BCAS1: variants seen among roughly 807,000 people sequenced by gnomAD.
The protein encoded by BCAS1 is breast carcinoma-amplified sequence 1.
In BCAS1, 46 loss-of-function variants were observed where a neutral mutation model predicts 65.4. The observed-to-expected ratio is 0.70, with a 90% CI of 0.55 to 0.90. The LOEUF is 0.90. Ranked by LOEUF, BCAS1 falls within the 40% of genes least tolerant of loss-of-function variation. BCAS1 has a pLI of 0.00. For missense variants in BCAS1, 793 were observed against 771.2 expected, an observed-to-expected ratio of 1.03 and a Z score of -0.33; for synonymous variants, 298 against 293.5, an observed-to-expected ratio of 1.02 and a Z score of -0.16.
At chr20:54,039,180 G>A (rs562696902) in intron 3 of BCAS1, among the ~76,000 whole-genome samples, 11 of 151,562 alleles carry the variant, frequency 7.3e-5, no homozygotes, top group Admixed American at 4.0e-4. Context: ...TTTAAAGGTC[G>A]TAAAGTCAGG....
chr20:54,041,700 G>A (rs941807373), intron 3 of BCAS1, among the ~76,000 whole-genome samples: 27 of 151,992 alleles, frequency 1.8e-4, no homozygotes, highest in African/African-American at 6.3e-4. Context: ...TGGCCAACAT[G>A]GTGAAACACT....
At chr20:54,059,491 C>T (rs1601032998) in intron 1 of BCAS1, among the ~76,000 whole-genome samples, 1 of 148,810 alleles carries the variant, frequency 6.7e-6, no homozygotes, top group Admixed American at 6.7e-5. Flanking sequence ...ACACTACGGC[C>T]TTTTTTTTTT....
chr20:53,948,817 G>A (rs1304690096), intron 12 of BCAS1, among the ~76,000 whole-genome samples: 8 of 152,110 alleles, frequency 5.3e-5, no homozygotes, highest in Admixed American at 5.2e-4. Flanking sequence ...ATGCGGTAAC[G>A]GCCTGGCCAC....
intron 1 of BCAS1, among the ~76,000 whole-genome samples, chr20:54,069,460 C>G (rs1439216508): frequency 1.3e-5 from 2 of 152,152 alleles, no homozygotes; most frequent in African/African-American, 2.4e-5. Context: ...TTTTTGGCAT[C>G]CCTTACATTT....
At chr20:53,948,781 G>C (rs2089416775) in intron 12 of BCAS1, among the ~76,000 whole-genome samples, 2 of 152,178 alleles carry the variant, frequency 1.3e-5, no homozygotes, top group Admixed American at 1.3e-4. Context: ...AGAAACTGAG[G>C]CTCCAAGATG....
chr20:53,991,413 T>A (rs1371772042), intron 7 of BCAS1, among the ~76,000 whole-genome samples: 1 of 152,254 alleles, frequency 6.6e-6, no homozygotes, highest in African/African-American at 2.4e-5. Context: ...GAACTTTCTA[T>A]GGAGTGCTTA....
chr20:54,038,767 C>T (rs2091941347), intron 3 of BCAS1, among the ~76,000 whole-genome samples: 1 of 151,374 alleles, frequency 6.6e-6, no homozygotes, highest in African/African-American at 2.4e-5. Context: ...GCAACACCGT[C>T]CTATGCATCA....
intron 1 of BCAS1, among the ~76,000 whole-genome samples, chr20:54,061,245 C>T (rs758548792): frequency 7.9e-5 from 12 of 152,244 alleles, no homozygotes; most frequent in Non-Finnish European, 1.5e-4. Flanking sequence ...TCCTAACCAC[C>T]GGAATGTTCT....
intron 7 of BCAS1, among the ~76,000 whole-genome samples, chr20:53,985,938 A>C (rs1712004344): frequency 6.6e-6 from 1 of 152,236 alleles, no homozygotes; most frequent in Non-Finnish European, 1.5e-5. Context: ...GATCAAAATT[A>C]GAAATTAAAG....
chr20:53,973,236 A>C (rs1892661870), intron 9 of BCAS1, among the ~76,000 whole-genome samples: 1 of 152,204 alleles, frequency 6.6e-6, no homozygotes, highest in African/African-American at 2.4e-5. Context: ...TCTCAAGAAA[A>C]CAAACAAACA....
chr20:54,064,835 A>G (rs933514072), intron 1 of BCAS1, among the ~76,000 whole-genome samples: 1 of 152,200 alleles, frequency 6.6e-6, no homozygotes, highest in Non-Finnish European at 1.5e-5. Flanking sequence ...CTCTGTGCTG[A>G]GCAGTTCTGA....
intron 3 of BCAS1, among the ~76,000 whole-genome samples, chr20:54,053,025 CAGAACA>C (rs1330696201): frequency 3.3e-5 from 5 of 152,152 alleles, no homozygotes; most frequent in Admixed American, 1.3e-4. Flanking sequence ...TGCATTTTGG[CAGAACA>C]AGCACATAAG....
chr20:54,002,316 C>T (rs971032672), intron 4 of BCAS1, among the ~76,000 whole-genome samples: 3 of 152,168 alleles, frequency 2.0e-5, no homozygotes, highest in African/African-American at 4.8e-5. Context: ...TCTTATGTCC[C>T]GTCTCTCAGA....
intron 3 of BCAS1, among the ~76,000 whole-genome samples, chr20:54,040,532 A>T (rs2299707): frequency 0.19 from 28,693 of 151,136 alleles, 3,509 homozygotes; most frequent in East Asian, 0.32. Context: ...AAAGCAGCCA[A>T]ATCAGGATGA....
intron 4 of BCAS1, among the ~76,000 whole-genome samples, chr20:54,021,635 G>A (rs1600895959): frequency 6.6e-6 from 1 of 151,752 alleles, no homozygotes. Context: ...CAGGAACAGA[G>A]AACCAAACAC....
At chr20:54,021,887 A>G (rs2091566987) in intron 4 of BCAS1, among the ~76,000 whole-genome samples, 1 of 152,040 alleles carries the variant, frequency 6.6e-6, no homozygotes. Context: ...CACATCCTGC[A>G]TTTGTACCCC....
intron 4 of BCAS1, 59 bp downstream of exon 4, chr20:54,028,333 C>G: frequency 6.3e-7 from 1 of 1,578,270 alleles, no homozygotes; most frequent in Non-Finnish European, 8.7e-7. Flanking sequence ...GTGGTCTTAT[C>G]CCATTAGCGC....
intron 4 of BCAS1, among the ~76,000 whole-genome samples, chr20:54,027,911 T>C (rs2091710330): frequency 6.6e-6 from 1 of 152,210 alleles, no homozygotes; most frequent in African/African-American, 2.4e-5. Flanking sequence ...AATCTCCTTA[T>C]TCAAACACAC....
chr20:54,014,905 T>C (rs1003891578), intron 4 of BCAS1, among the ~76,000 whole-genome samples: 3 of 151,960 alleles, frequency 2.0e-5, no homozygotes, highest in African/African-American at 7.3e-5. Context: ...GGAAGAAAAA[T>C]AGGGTTTGGT....
Sources: allele counts gnomAD v4.1 joint callset (sites outside exome capture counted in the v4.1 genomes callset), GRCh38; gene constraint gnomAD v4.1.1; transcripts MANE v1.5; gene names NCBI Gene and HGNC (gene_info 2026-07-23, HGNC 2026-07-21).